NOL10: variants seen among roughly 807,000 people sequenced by gnomAD.
NOL10 encodes nucleolar protein 10.
A neutral mutation model predicts 103.5 loss-of-function variants in NOL10; 58 were observed. That is an observed-to-expected ratio of 0.56 (90% CI 0.45 to 0.70). The LOEUF (loss-of-function observed/expected upper bound fraction) is 0.70, where lower values mean the gene tolerates loss of function less well. Ranked by LOEUF, NOL10 falls within the 30% of genes least tolerant of loss-of-function variation. NOL10 has a pLI of 0.00. For missense variants in NOL10, 763 were observed against 807.3 expected (o/e 0.95, Z 0.67); for synonymous variants, 287 against 282.5 (o/e 1.02, Z -0.16).
intron 13 of NOL10, among the ~76,000 whole-genome samples, chr2:10,638,034 C>T (rs997598180): frequency 2.0e-5 from 3 of 152,190 alleles, no homozygotes; most frequent in African/African-American, 4.8e-5. Flanking sequence ...GTAATCCCAA[C>T]ACTTTGGGAG....
rs56031158 is a variant in NOL10, at chr2:10,649,311, ATTTTTTTTTT to A, written c.974-4949_974-4940del. 1.0e-3 allele frequency among the ~76,000 whole-genome samples: 102 copies of A among 99,048 alleles called. No homozygotes were observed. In the South Asian group the frequency reaches 0.012, roughly 11 times the overall value. The allele number at this position is 99,048 out of a possible 152,430, so 65.0% of individuals were successfully genotyped here. On this transcript the variant is annotated intron_variant, in intron 12 of 20. Transcript: ENST00000381685. ...TTTTTCAACTTTTCTGTATGTTTGA[ATTTTTTTTTT>A]TTTTTTTTTTTTTTTTTGAGACAGA...
Position 10,671,685 on chromosome 2 carries a change from G to C in NOL10, c.333C>G (p.Val111=), listed in dbSNP as rs1420481004. ...EILSDDYSKI[V]FLHNDRYIEF... ...CAATGTATCTATCATTATGTAAGAA[G>C]ACAATCTGAAAATAAAACAAAAAAA... The change falls in exon 6 of 21, where the codon GTC becomes GTG. Residue 111 remains valine (V), a synonymous_variant. Coordinates refer to ENST00000381685, the MANE Select transcript of NOL10 (RefSeq NM_024894.4). The C allele has an allele frequency of 6.4e-7, 1 of 1,556,692 alleles. No homozygotes were observed. Among genetic ancestry groups the C allele is most frequent in the Non-Finnish European group, 8.7e-7 (1 of 1,148,898 alleles).
chr2:10,646,203 C>T (rs892239862), intron 12 of NOL10, among the ~76,000 whole-genome samples: 15 of 152,248 alleles, frequency 9.9e-5, no homozygotes, highest in Admixed American at 2.0e-4. Flanking sequence ...GAAAGATCTC[C>T]AGGAGCCTTT....
At chr2:10,641,023 A>G (rs1678664828) in intron 13 of NOL10, among the ~76,000 whole-genome samples, 1 of 151,888 alleles carries the variant, frequency 6.6e-6, no homozygotes, top group Non-Finnish European at 1.5e-5. Context: ...ATCTCTACTA[A>G]AAACACAAAA....
intron 16 of NOL10, 50 bp downstream of exon 16, chr2:10,602,726 G>A (rs767969231): frequency 5.3e-6 from 6 of 1,130,422 alleles, no homozygotes; most frequent in Non-Finnish European, 5.1e-6. Context: ...ACACAAAATG[G>A]AAATTAAGTA....
At chr2:10,579,682 C>A (rs896642732) in intron 19 of NOL10, among the ~76,000 whole-genome samples, 1 of 150,678 alleles carries the variant, frequency 6.6e-6, no homozygotes, top group African/African-American at 2.4e-5. Context: ...TCTTTCTTTT[C>A]ATAGCTATAA....
intron 19 of NOL10, among the ~76,000 whole-genome samples, chr2:10,584,702 A>G (rs1463027731): frequency 6.6e-6 from 1 of 152,208 alleles, no homozygotes; most frequent in Non-Finnish European, 1.5e-5. Flanking sequence ...GTTCTCAAAA[A>G]GGATGTTTAA....
intron 1 of NOL10, among the ~76,000 whole-genome samples, chr2:10,688,250 C>A (rs1479536256): frequency 1.3e-5 from 2 of 152,186 alleles, no homozygotes; most frequent in Admixed American, 6.5e-5. Context: ...TGAACCCTCC[C>A]CAGCTAGACA....
At chr2:10,636,888 C>G (rs756444058) in intron 13 of NOL10, among the ~76,000 whole-genome samples, 1 of 152,002 alleles carries the variant, frequency 6.6e-6, no homozygotes, top group African/African-American at 2.4e-5. Context: ...ATTGTTTGCA[C>G]CTAAATTTGT....
Position 10,589,159 on chromosome 2 carries a change from C to T in NOL10, c.1728G>A (p.Arg576=), listed in dbSNP as rs183273451. 15 of 1,614,012 alleles carry T rather than the reference C, an allele frequency of 9.3e-6. No homozygotes were observed. The highest frequency in any genetic ancestry group is 2.2e-5 in the East Asian group (1 of 44,880). The change falls in exon 19 of 21, where the codon CGG becomes CGA. Residue 576 remains arginine, a synonymous_variant. Transcript: ENST00000381685. ...RLLQQEEKVK[R]QERLKEDQQT... ...GCTGGTCCTCCTTGAGTCGTTCCTG[C>T]CGCTTCACTTTTTCCTCCTGCTGGA...
At chr2:10,572,875 A>G (rs114951412) in intron 20 of NOL10, among the ~76,000 whole-genome samples, 2,430 of 152,232 alleles carry the variant, frequency 0.016, 58 homozygotes, top group African/African-American at 0.056. Context: ...TTTGTCCTCA[A>G]TGCTCATTGG....
At chr2:10,665,997 C>T (rs995696230) in intron 8 of NOL10, among the ~76,000 whole-genome samples, 1 of 152,116 alleles carries the variant, frequency 6.6e-6, no homozygotes, top group African/African-American at 2.4e-5. Flanking sequence ...AGGCAGTGAG[C>T]ATGGTAGCCA....
chr2:10,578,373 T>C (rs1469054530), intron 19 of NOL10, among the ~76,000 whole-genome samples: 1 of 152,286 alleles, frequency 6.6e-6, no homozygotes, highest in Admixed American at 6.5e-5. Flanking sequence ...TAACTGTACC[T>C]GATTCAGCTC....
At chr2:10,578,862 T>C (rs2148143425) in intron 19 of NOL10, among the ~76,000 whole-genome samples, 1 of 152,302 alleles carries the variant, frequency 6.6e-6, no homozygotes, top group Middle Eastern at 3.4e-3. Flanking sequence ...AAGAATATGG[T>C]TCTCTTCTAT....
At chr2:10,589,397 C>A in intron 18 of NOL10, 107 bp from the exon 19 acceptor site, 1 of 1,427,428 alleles carries the variant, frequency 7.0e-7, no homozygotes, top group East Asian at 2.3e-5. Flanking sequence ...AACAGCTGCT[C>A]TACTGCATGC....
intron 13 of NOL10, among the ~76,000 whole-genome samples, chr2:10,631,506 T>C (rs1237608371): frequency 6.6e-6 from 1 of 152,184 alleles, no homozygotes; most frequent in Non-Finnish European, 1.5e-5. Flanking sequence ...AAAAAAAGTT[T>C]AATTAACCTA....
Position 10,587,204 on chromosome 2 carries a change from C to CACATATATAT in NOL10, c.1844+1829_1844+1838dup, listed in dbSNP as rs1558270644. On this transcript the variant is annotated intron_variant, in intron 19 of 20. Coordinates refer to ENST00000381685, the MANE Select transcript of NOL10 (RefSeq NM_024894.4). ...ACACATATATATACACATATATATA[C>CACATATATAT]ACATATATATATACATATATATACA... Among the ~76,000 whole-genome samples, 6 of 34,410 alleles carry CACATATATAT rather than the reference C, an allele frequency of 1.7e-4. 2 individuals are homozygous for CACATATATAT. Among genetic ancestry groups the CACATATATAT allele is most frequent in the South Asian group, 1.7e-3 (3 of 1,786 alleles). The allele number at this position is 34,410 out of a possible 152,430, so 22.6% of individuals were successfully genotyped here.
chr2:10,628,330 G>A (rs1677613727), intron 13 of NOL10, among the ~76,000 whole-genome samples: 1 of 152,110 alleles, frequency 6.6e-6, no homozygotes, highest in South Asian at 2.1e-4. Context: ...GTGCTATCCT[G>A]ACATTCTCGA....
chr2:10,649,903 T>C (rs7567304), intron 12 of NOL10, among the ~76,000 whole-genome samples: 75,144 of 151,980 alleles, frequency 0.49, 19,794 homozygotes, highest in Middle Eastern at 0.65. Flanking sequence ...AATTTCCATG[T>C]CATAAAATAT....
Sources: gnomAD v4.1 joint callset for allele counts (sites outside exome capture counted in the v4.1 genomes callset) on GRCh38, gnomAD v4.1.1 for gene constraint, MANE v1.5 for transcripts, NCBI Gene and HGNC (gene_info 2026-07-23, HGNC 2026-07-21) for gene names.